Variants in GABRA4 observed in about 807,000 individuals in gnomAD.
The protein encoded by GABRA4 is gamma-aminobutyric acid type A receptor subunit alpha4, also known as gamma-aminobutyric acid receptor subunit alpha-4.
Under a neutral mutation model 49.7 loss-of-function variants are expected in GABRA4, and 12 were observed. The ratio of observed to expected loss-of-function variants is 0.24; its 90% CI spans 0.15 to 0.39. The LOEUF is 0.39. GABRA4 is among the 10% of genes least tolerant of loss of function. The pLI is 1.00. For synonymous variants in GABRA4, 288 were observed against 240.2 expected (o/e 1.20, Z -1.84); for missense variants, 506 against 686.0 (o/e 0.74, Z 2.93).
intron 8 of GABRA4, among the ~76,000 whole-genome samples, chr4:46,939,516 C>A (rs970635202): frequency 5.3e-5 from 8 of 151,910 alleles, no homozygotes; most frequent in Non-Finnish European, 2.9e-5. Context: ...CAGCATGATA[C>A]AATTAAAATG....
In GABRA4 at chr4:46,932,539, A is replaced by T. The variant is rs975820192; in HGVS notation, c.1135-3784T>A. Among the ~76,000 whole-genome samples, 11 of 152,176 alleles carry T rather than the reference A, an allele frequency of 7.2e-5. No individual in the cohort carries two copies. In the East Asian group the frequency reaches 2.1e-3, roughly 29 times the overall value. ...AAATACAGCATGTCCTTTCAATGTC[A>T]TAATAGAGTATTGTTTAACAAGCCC... is the stretch of plus-strand genomic sequence containing the variant. On this transcript the variant is annotated intron_variant, in intron 8 of 8. Transcript: ENST00000264318.
intron 8 of GABRA4, among the ~76,000 whole-genome samples, chr4:46,953,873 T>C (rs867622591): frequency 6.6e-6 from 1 of 152,092 alleles, no homozygotes; most frequent in African/African-American, 2.4e-5. Context: ...GCAGTGGTTG[T>C]GATGGGTTAT....
chr4:46,950,038 A>G (rs946576005), intron 8 of GABRA4, among the ~76,000 whole-genome samples: 2 of 152,094 alleles, frequency 1.3e-5, no homozygotes, highest in Non-Finnish European at 2.9e-5. Context: ...CCTTGGTGCC[A>G]TTTTTAGATC....
intron 8 of GABRA4, among the ~76,000 whole-genome samples, chr4:46,961,770 A>T (rs960736561): frequency 4.6e-5 from 7 of 151,806 alleles, no homozygotes; most frequent in African/African-American, 1.7e-4. Flanking sequence ...CTGCTGGTTC[A>T]AAAAAGAAGC....
chr4:46,950,737 A>AATTAATT lies in GABRA4; in HGVS notation c.1134+14232_1134+14233insAATTAAT, dbSNP rs1553903644. Among the ~76,000 whole-genome samples, 52 of 125,280 alleles carry AATTAATT rather than the reference A, an allele frequency of 4.2e-4. 1 individual carries two copies. The highest frequency in any genetic ancestry group is 3.7e-3 in the South Asian group (13 of 3,484). 82.2% of individuals were successfully genotyped at this position (125,280 alleles called of 152,430 possible). On this transcript the variant is annotated intron_variant, in intron 8 of 8. Coordinates refer to ENST00000264318, the MANE Select transcript of GABRA4 (RefSeq NM_000809.4). Reference sequence around the variant, plus strand: ...TAAGAAAATAAATAAATAAATAAATAAATAAATAAATTACTATATGCTTGT... The same window carrying AATTAATT: ...TAAGAAAATAAATAAATAAATAAATAATTAATTAATAAATAAATTACTATATGCTTGT...
chr4:46,974,181 T>G, intron 6 of GABRA4, 51 bp downstream of exon 6: 2 of 1,536,816 alleles, frequency 1.3e-6, no homozygotes, highest in Non-Finnish European at 1.8e-6. Context: ...AGGAGAAAAC[T>G]TTATTGCTAA....
At chr4:46,937,155 C>T (rs1209076351) in intron 8 of GABRA4, among the ~76,000 whole-genome samples, 2 of 152,218 alleles carry the variant, frequency 1.3e-5, no homozygotes, top group East Asian at 1.9e-4. Flanking sequence ...TACCAGGTTT[C>T]TCTCTGTCTT....
At chr4:46,981,984 G>A (rs1723372972) in intron 2 of GABRA4, among the ~76,000 whole-genome samples, 2 of 152,074 alleles carry the variant, frequency 1.3e-5, no homozygotes, top group South Asian at 4.1e-4. Flanking sequence ...AGCAAAGCAA[G>A]GGAGGGACAG....
intron 2 of GABRA4, among the ~76,000 whole-genome samples, chr4:46,982,531 C>T (rs2109400594): frequency 6.6e-6 from 1 of 152,116 alleles, no homozygotes; most frequent in Non-Finnish European, 1.5e-5. Context: ...TTGTTTAAGC[C>T]ACACAGTCTG....
At chr4:46,957,279 T>TAC (rs1553904145) in intron 8 of GABRA4, among the ~76,000 whole-genome samples, 1 of 2,356 alleles carries the variant, frequency 4.2e-4, no homozygotes, top group Non-Finnish European at 1.5e-3. Context: ...GAAGGATAAA[T>TAC]ACAAAAAAAA....
chr4:46,955,388 C>A (rs993879983), intron 8 of GABRA4, among the ~76,000 whole-genome samples: 3 of 151,932 alleles, frequency 2.0e-5, no homozygotes, highest in East Asian at 1.9e-4. Context: ...GACATTATTG[C>A]CAATGATTAC....
chr4:46,988,017 T>A (rs1229678164), intron 2 of GABRA4, among the ~76,000 whole-genome samples: 1 of 152,104 alleles, frequency 6.6e-6, no homozygotes, highest in African/African-American at 2.4e-5. Flanking sequence ...ACAGGCACAC[T>A]GGACTCCTCT....
chr4:46,933,228 T>C (rs1414140526), intron 8 of GABRA4, among the ~76,000 whole-genome samples: 2 of 152,178 alleles, frequency 1.3e-5, no homozygotes, highest in East Asian at 3.8e-4. Flanking sequence ...ATGCACACAG[T>C]AGGCACCTAT....
rs1340537205 is a variant in GABRA4, at chr4:46,964,951, G to A, written c.1134+19C>T. On this transcript the variant is annotated intron_variant, in intron 8 of 8. Coordinates refer to ENST00000264318, the MANE Select transcript of GABRA4 (RefSeq NM_000809.4). ...CAAGAAGCTAAAATCTTAAACTGAA[G>A]GTGGATTAAGTCAAATACCTGCAGA... is the stretch of plus-strand genomic sequence containing the variant. The A allele has an allele frequency of 1.1e-5, 17 of 1,549,472 alleles. No homozygotes were observed. Among genetic ancestry groups the A allele is most frequent in the Non-Finnish European group, 1.5e-5 (17 of 1,147,690 alleles).
intron 3 of GABRA4, among the ~76,000 whole-genome samples, chr4:46,978,802 C>G (rs1723245045): frequency 6.6e-6 from 1 of 150,454 alleles, no homozygotes; most frequent in African/African-American, 2.4e-5. Context: ...TAGGAAAGTT[C>G]TTCTCTTTGT....
At chr4:46,990,578 T>C (rs1723708765) in intron 2 of GABRA4, among the ~76,000 whole-genome samples, 2 of 152,378 alleles carry the variant, frequency 1.3e-5, no homozygotes, top group South Asian at 2.1e-4. Context: ...CTGATGAATA[T>C]TTAAACTACA....
intron 3 of GABRA4, among the ~76,000 whole-genome samples, chr4:46,978,060 C>T (rs1233580062): frequency 6.6e-6 from 1 of 151,918 alleles, no homozygotes; most frequent in African/African-American, 2.4e-5. Context: ...ATTTTATTTT[C>T]ACAAAGTTTA....
intron 7 of GABRA4, among the ~76,000 whole-genome samples, chr4:46,969,520 T>C (rs1447381729): frequency 6.6e-6 from 1 of 151,516 alleles, no homozygotes; most frequent in South Asian, 2.1e-4. Context: ...GAGCATCCAA[T>C]AGTACAACAC....
intron 3 of GABRA4, among the ~76,000 whole-genome samples, chr4:46,978,829 T>G (rs1364949185): frequency 6.6e-6 from 1 of 151,296 alleles, no homozygotes; most frequent in Non-Finnish European, 1.5e-5. Context: ...TGACCCTAAA[T>G]CAACAAGTAC....
Sources: gnomAD v4.1 joint callset for allele counts (sites outside exome capture counted in the v4.1 genomes callset) on GRCh38, gnomAD v4.1.1 for gene constraint, MANE v1.5 for transcripts, NCBI Gene and HGNC (gene_info 2026-07-23, HGNC 2026-07-21) for gene names.